Variants in SLC5A7 observed in about 807,000 individuals in gnomAD.
The protein encoded by SLC5A7 is high affinity choline transporter 1.
In SLC5A7, 19 loss-of-function variants were observed where a neutral mutation model predicts 55.4. The ratio of observed to expected loss-of-function variants is 0.34; its 90% CI spans 0.24 to 0.50. The LOEUF is 0.50. Among genes scored for constraint, SLC5A7 ranks in the 20% least tolerant of loss-of-function variants. The pLI, the probability that SLC5A7 is intolerant of heterozygous loss-of-function variation, is 0.98. For synonymous variants in SLC5A7, 265 were observed against 263.7 expected, an observed-to-expected ratio of 1.00 and a Z score of -0.05; for missense variants, 506 against 705.3, an observed-to-expected ratio of 0.72 and a Z score of 3.20.
rs1474659230 is a variant in SLC5A7 at position 108,010,714 on chromosome 2, C to T, written c.1596C>T (p.Val532=). Residue 532 remains valine, a synonymous_variant, in exon 9 of 9, where the codon GTC becomes GTT. Transcript: ENST00000264047. The part of the protein sequence containing the change: ...SEENMDKTIL[V]KNENIKLDEL... ...AAAACATGGATAAGACAATTCTTGT[C>T]AAAAATGAAAATATTAAATTAGATG... 11 of 1,613,584 alleles carry T rather than the reference C, an allele frequency of 6.8e-6. No homozygotes were observed. The highest frequency in any genetic ancestry group is 8.5e-6 in the Non-Finnish European group (10 of 1,179,870).
rs748901270 is a variant in SLC5A7 at position 107,993,064 on chromosome 2, C to T, written c.385C>T (p.Leu129Phe). 1.1e-5 allele frequency: 18 copies of T among 1,614,100 alleles called. No individual in the cohort carries two copies. The Admixed American group carries it at 2.7e-4, about 24-fold the overall frequency. ...QQIYGKRMGG[L>F]LFIPALMGEM... ...AATCTATGGAAAACGCATGGGCGGA[C>T]TCCTGTTTATTCCTGCACTGATGGG... The change falls in exon 4 of 9, where the codon CTC (leucine) becomes TTC (phenylalanine). Residue 129 changes from leucine to phenylalanine, a missense_variant. This residue lies in a region of SLC5A7 where 309 missense variants were observed against 478.6 expected (regional missense o/e 0.65). Transcript: ENST00000264047.
chr2:108,005,515 A>C (rs1308123844), intron 6 of SLC5A7, among the ~76,000 whole-genome samples: 9 of 152,240 alleles, frequency 5.9e-5, no homozygotes, highest in Admixed American at 5.9e-4. Context: ...TTATAGAGAA[A>C]ACTTCAGGAA....
At chr2:108,001,444 C>A (rs1433540308) in intron 5 of SLC5A7, among the ~76,000 whole-genome samples, 1 of 151,840 alleles carries the variant, frequency 6.6e-6, no homozygotes, top group Non-Finnish European at 1.5e-5. Flanking sequence ...GAGGCCGAGG[C>A]GGGCGGATCA....
rs191535630 is a variant in SLC5A7, at chr2:108,013,307, C to T, written c.*2446C>T. The T allele has an allele frequency of 1.3e-5, 2 of 152,108 alleles. No individual in the cohort carries two copies. Among genetic ancestry groups the T allele is most frequent in the Admixed American group, 1.3e-4 (2 of 15,260 alleles). 9.4% of individuals were successfully genotyped at this position (152,108 alleles called of 1,614,324 possible). On this transcript the variant is annotated 3_prime_UTR_variant, in exon 9 of 9. Coordinates refer to ENST00000264047, the MANE Select transcript of SLC5A7 (RefSeq NM_021815.5). ...ATTTAACCCATTATTCCTCACCTACCCTCAAAGTAGGTATACAAAAGACTA... is the reference window on the plus strand; with the variant it reads ...ATTTAACCCATTATTCCTCACCTACTCTCAAAGTAGGTATACAAAAGACTA...
rs1678432844 is a variant in SLC5A7 at position 108,013,897 on chromosome 2, A to C, written c.*3036A>C. The C allele has an allele frequency of 6.6e-6, 1 of 152,148 alleles. No individual in the cohort carries two copies. Among genetic ancestry groups the C allele is most frequent in the African/African-American group, 2.4e-5 (1 of 41,454 alleles). The allele number at this position is 152,148 out of a possible 1,614,324, so 9.4% of individuals were successfully genotyped here. A position where few individuals can be genotyped will look rare whatever the true frequency, so the allele number is the denominator to read the frequency against. ...TACAAGTAATGAATTTTATGTGACT[A>C]TGAAACGAATATAAGCTTAAAATAA... On this transcript the variant is annotated 3_prime_UTR_variant, in exon 9 of 9. Transcript: ENST00000264047.
intron 8 of SLC5A7, among the ~76,000 whole-genome samples, chr2:108,009,600 A>T (rs1223921893): frequency 6.6e-6 from 1 of 152,058 alleles, no homozygotes; most frequent in Non-Finnish European, 1.5e-5. Context: ...GCTGAGGATG[A>T]TGGCTTCCAC....
chr2:107,990,632 G>A lies in SLC5A7; in HGVS notation c.179-1474G>A, dbSNP rs548629709. ...TAAAAGCTACAGCAAAGGTGGGAGT[G>A]ATTGCTAAATACGTATTTGTCTCCA... On this transcript the variant is annotated intron_variant, in intron 2 of 8. Transcript: ENST00000264047. Among the ~76,000 whole-genome samples, 4 of 152,278 alleles carry A rather than the reference G, an allele frequency of 2.6e-5. No homozygotes were observed. In the South Asian group the frequency reaches 6.2e-4, roughly 24 times the overall value.
intron 5 of SLC5A7, among the ~76,000 whole-genome samples, chr2:108,001,672 C>CAAA (rs71309338): frequency 4.3e-4 from 32 of 75,238 alleles, no homozygotes; most frequent in Non-Finnish European, 4.4e-4. Context: ...GACTCCGTCT[C>CAAA]AAAAAAAAAA....
At chr2:107,993,162 G>A (rs2104343060) in intron 4 of SLC5A7, 35 bp downstream of exon 4, 1 of 1,611,150 alleles carries the variant, frequency 6.2e-7, no homozygotes, top group Non-Finnish European at 8.5e-7. Flanking sequence ...CTGCATCTTT[G>A]TAGTTAACTA....
chr2:107,997,746 T>A (rs748433703), intron 4 of SLC5A7, 92 bp from the exon 5 acceptor site: 2 of 1,266,716 alleles, frequency 1.6e-6, no homozygotes, highest in Non-Finnish European at 2.1e-6. Flanking sequence ...GAGAGAAAAA[T>A]GTTGTTTATC....
chr2:107,994,232 T>C (rs1285499070), intron 4 of SLC5A7, among the ~76,000 whole-genome samples: 2 of 152,074 alleles, frequency 1.3e-5, no homozygotes, highest in African/African-American at 4.8e-5. Flanking sequence ...TTGCCAACTA[T>C]AAAAAAGAGT....
intron 4 of SLC5A7, among the ~76,000 whole-genome samples, chr2:107,994,381 A>G (rs527327196): frequency 6.6e-6 from 1 of 152,330 alleles, no homozygotes; most frequent in South Asian, 2.1e-4. Flanking sequence ...CATGAGATCG[A>G]GACCATCCTG....
rs1357548020 is a variant in SLC5A7 at position 107,996,524 on chromosome 2, A to G, written c.449-1314A>G. 2.6e-5 allele frequency among the ~76,000 whole-genome samples: 4 copies of G among 152,200 alleles called. No individual in the cohort carries two copies. The East Asian group carries it at 7.7e-4, about 29-fold the overall frequency. On this transcript the variant is annotated intron_variant, in intron 4 of 8. Coordinates refer to ENST00000264047, the MANE Select transcript of SLC5A7 (RefSeq NM_021815.5). ...AATTGAGGAATGGGGGTAGGGTGTA[A>G]GACAACTCAGCTGGCTGCAACTGAT...
intron 2 of SLC5A7, among the ~76,000 whole-genome samples, chr2:107,991,527 C>G (rs1234741843): frequency 2.6e-5 from 4 of 152,100 alleles, no homozygotes; most frequent in Non-Finnish European, 4.4e-5. Flanking sequence ...CTGATATCCC[C>G]AGAGTGTTCA....
intron 7 of SLC5A7, among the ~76,000 whole-genome samples, chr2:108,007,583 T>G (rs1678173365): frequency 6.6e-6 from 1 of 152,232 alleles, no homozygotes; most frequent in East Asian, 1.9e-4. Flanking sequence ...TAGATACACA[T>G]TCTTGTTTGT....
intron 5 of SLC5A7, among the ~76,000 whole-genome samples, chr2:108,001,685 A>AG (rs1193020798): frequency 3.3e-5 from 5 of 150,998 alleles, no homozygotes; most frequent in African/African-American, 1.2e-4. Context: ...AAAAAAAAAA[A>AG]AAAAGAAAAG....
intron 1 of SLC5A7, among the ~76,000 whole-genome samples, 183 bp downstream of exon 1, chr2:107,986,946 G>T (rs1677266579): frequency 6.6e-6 from 1 of 152,120 alleles, no homozygotes; most frequent in Non-Finnish European, 1.5e-5. Context: ...AAGTCTGGGC[G>T]CAGGAAATGG....
intron 4 of SLC5A7, among the ~76,000 whole-genome samples, chr2:107,993,763 A>G (rs1219363147): frequency 6.6e-6 from 1 of 152,232 alleles, no homozygotes; most frequent in Non-Finnish European, 1.5e-5. Context: ...TTAATTAAAA[A>G]CATATATAAA....
intron 2 of SLC5A7, among the ~76,000 whole-genome samples, chr2:107,990,757 T>G (rs981001835): frequency 6.6e-6 from 1 of 152,212 alleles, no homozygotes; most frequent in Non-Finnish European, 1.5e-5. Context: ...TTGCTTTGTA[T>G]TAGATTAAAA....
Sources: gnomAD v4.1 joint callset for allele counts (sites outside exome capture counted in the v4.1 genomes callset) on GRCh38, gnomAD v4.1.1 for gene constraint, gnomAD v4.1.1 regional missense constraint, MANE v1.5 for transcripts, NCBI Gene and HGNC (gene_info 2026-07-23, HGNC 2026-07-21) for gene names.